Variants in BDNF observed in about 807,000 individuals in gnomAD.
BDNF encodes brain derived neurotrophic factor.
Under a neutral mutation model 19.5 loss-of-function variants are expected in BDNF, and 1 was observed. That is an observed-to-expected ratio of 0.05 (90% CI 0.02 to 0.24). BDNF has a LOEUF of 0.24. BDNF is among the 10% of genes least tolerant of loss of function. The probability of loss-of-function intolerance (pLI) is 1.00; values close to 1 mark genes in which losing one functional copy is unlikely to be tolerated. For missense variants in BDNF, 195 were observed against 317.6 expected (o/e 0.61, Z 2.93); for synonymous variants, 100 against 121.6 (o/e 0.82, Z 1.17).
At chr11:27,660,124 A>G (rs894717240) in intron 1 of BDNF, 2 of 971,510 alleles carry the variant, frequency 2.1e-6, no homozygotes, top group Non-Finnish European at 2.6e-6. Context: ...GTTTCTGCCC[A>G]TGAAGTTTTA....
chr11:27,659,193 AG>A (rs1852992235), intron 1 of BDNF: 5 of 999,380 alleles, frequency 5.0e-6, no homozygotes, highest in Non-Finnish European at 6.0e-6. Flanking sequence ...ATAGCAAAGA[AG>A]AAAGATAATT....
chr11:27,665,624 C>T (rs1377494080), intron 1 of BDNF, among the ~76,000 whole-genome samples: 1 of 152,172 alleles, frequency 6.6e-6, no homozygotes, highest in African/African-American at 2.4e-5. Context: ...GATTATGTCC[C>T]AGGCCTGGCT....
intron 1 of BDNF, among the ~76,000 whole-genome samples, chr11:27,714,615 C>G (rs749957632): frequency 2.0e-4 from 31 of 152,036 alleles, no homozygotes; most frequent in Non-Finnish European, 4.3e-4. Context: ...AAATATGTTA[C>G]TTTGATTTTT....
intron 1 of BDNF, among the ~76,000 whole-genome samples, chr11:27,720,014 TACAC>T (rs145503247): frequency 6.7e-6 from 1 of 150,334 alleles, no homozygotes; most frequent in Non-Finnish European, 1.5e-5. Flanking sequence ...GAATCTACTG[TACAC>T]ACACACACAC....
chr11:27,704,868 C>T (rs1354069528), upstream of BDNF, among the ~76,000 whole-genome samples: 1 of 152,146 alleles, frequency 6.6e-6, no homozygotes, highest in Non-Finnish European at 1.5e-5. Context: ...CAATACCATA[C>T]CAAAATGTGT....
intron 1 of BDNF, among the ~76,000 whole-genome samples, chr11:27,694,466 G>C (rs1231425815): frequency 1.3e-5 from 2 of 152,108 alleles, no homozygotes; most frequent in Non-Finnish European, 2.9e-5. Context: ...ATTTATCAAA[G>C]TGCCTCCCCA....
chr11:27,707,067 T>C (rs1860138570), intron 1 of BDNF, among the ~76,000 whole-genome samples: 2 of 152,230 alleles, frequency 1.3e-5, no homozygotes, highest in Admixed American at 1.3e-4. Flanking sequence ...GCTTATTATA[T>C]ACTGATATAA....
At chr11:27,670,579 C>T (rs959675381) in intron 1 of BDNF, among the ~76,000 whole-genome samples, 3 of 152,044 alleles carry the variant, frequency 2.0e-5, no homozygotes, top group African/African-American at 7.2e-5. Context: ...TCAAATGACC[C>T]CATCAAAAAG....
At chr11:27,672,671 C>CA (rs1361248161) in intron 1 of BDNF, among the ~76,000 whole-genome samples, 4 of 152,214 alleles carry the variant, frequency 2.6e-5, no homozygotes, top group African/African-American at 9.6e-5. Flanking sequence ...CCTCTCCAAC[C>CA]AAAATCTCTC....
At chr11:27,700,460 TGCGCCCGGGTCAGAC>T (rs1590464719), upstream of BDNF, 12 of 983,376 alleles carry the variant, frequency 1.2e-5, no homozygotes, top group East Asian at 1.4e-3. Flanking sequence ...GGCTGCGCCT[TGCGCCCGGGTCAGAC>T]ATTATTTAGC....
intron 1 of BDNF, among the ~76,000 whole-genome samples, chr11:27,669,989 C>A (rs183649896): frequency 1.3e-5 from 2 of 152,094 alleles, no homozygotes; most frequent in East Asian, 1.9e-4. Context: ...GGAGGCATCA[C>A]GCTACCTGAC....
At chr11:27,713,052 C>T (rs1407823917) in intron 1 of BDNF, among the ~76,000 whole-genome samples, 1 of 149,054 alleles carries the variant, frequency 6.7e-6, no homozygotes, top group Non-Finnish European at 1.5e-5. Flanking sequence ...AGATTACAGG[C>T]ATGAACCACT....
intron 1 of BDNF, among the ~76,000 whole-genome samples, chr11:27,698,626 T>C (rs1859474454): frequency 6.6e-6 from 1 of 152,156 alleles, no homozygotes; most frequent in Non-Finnish European, 1.5e-5. Context: ...TTTTGCAGGA[T>C]ATTGAGTCAG....
chr11:27,659,658 CGTGT>C, intron 1 of BDNF: 1 of 981,458 alleles, frequency 1.0e-6, no homozygotes, highest in East Asian at 1.2e-4. Context: ...TGCGCGCGCG[CGTGT>C]GCGCGCGCTC....
chr11:27,674,514 T>C (rs1335549455), intron 1 of BDNF: 17 of 985,108 alleles, frequency 1.7e-5, no homozygotes, highest in African/African-American at 1.7e-5. Context: ...TAATGAGCCA[T>C]GTGGACCCTA....
intron 1 of BDNF, among the ~76,000 whole-genome samples, chr11:27,690,907 A>C (rs1858166862): frequency 6.6e-6 from 1 of 152,158 alleles, no homozygotes; most frequent in South Asian, 2.1e-4. Context: ...GTAAAAAAAA[A>C]AAAAATCCAT....
chr11:27,680,532 C>T (rs909805262), intron 1 of BDNF, among the ~76,000 whole-genome samples: 3 of 152,124 alleles, frequency 2.0e-5, no homozygotes, highest in African/African-American at 7.2e-5. Context: ...GCCTTCCTAG[C>T]TGATAAGAAC....
rs189978165 is a variant in BDNF at position 27,672,758 on chromosome 11, T to C, written c.-21-14173A>G. Reference sequence around the variant, plus strand: ...TATTTGGGATCATTTGATTCAAGACTGAAGTACTTAAAATGGCTTTTAAAA... The same window carrying C: ...TATTTGGGATCATTTGATTCAAGACCGAAGTACTTAAAATGGCTTTTAAAA... On this transcript the variant is annotated intron_variant, in intron 1 of 1. Coordinates refer to ENST00000356660, the MANE Select transcript of BDNF (RefSeq NM_001709.5). 5.1e-3 allele frequency among the ~76,000 whole-genome samples: 769 copies of C among 152,242 alleles called. 7 individuals are homozygous for C. Among genetic ancestry groups the C allele is most frequent in the South Asian group, 0.021 (102 of 4,818 alleles).
At chr11:27,690,899 A>G (rs1307729284) in intron 1 of BDNF, among the ~76,000 whole-genome samples, 1 of 134,068 alleles carries the variant, frequency 7.5e-6, no homozygotes, top group Admixed American at 7.4e-5. Flanking sequence ...CCTTGTATGT[A>G]AAAAAAAAAA....
Sources: gnomAD v4.1 joint callset for allele counts (sites outside exome capture counted in the v4.1 genomes callset) on GRCh38, gnomAD v4.1.1 for gene constraint, MANE v1.5 for transcripts, NCBI Gene and HGNC (gene_info 2026-07-23, HGNC 2026-07-21) for gene names.